XAB2: variants seen among roughly 807,000 people sequenced by gnomAD.
The protein encoded by XAB2 is XPA binding protein 2.
Under a neutral mutation model 113.4 loss-of-function variants are expected in XAB2, and 57 were observed. The observed-to-expected ratio is 0.50, with a 90% CI of 0.41 to 0.63. The LOEUF is 0.63. Ranked by LOEUF, XAB2 falls within the 20% of genes least tolerant of loss-of-function variation. The pLI is 0.00. For missense variants in XAB2, 1,037 were observed against 1,233.3 expected (o/e 0.84, Z 2.38); for synonymous variants, 497 against 498.8 (o/e 1.00, Z 0.05).
At position 7,622,325 on chromosome 19, in the gene XAB2, C is replaced by T; in HGVS notation, c.1617+6G>A. ...AGGGGCCTCTGGGTCCACCCTAGCC[C>T]CTCACCTTGAAGCTCTCCTCGAAGT... On this transcript the variant is annotated splice_donor_region_variant and intron_variant, in intron 12 of 18. Coordinates refer to ENST00000358368, the MANE Select transcript of XAB2 (RefSeq NM_020196.3). The T allele has an allele frequency of 1.2e-6, 2 of 1,614,020 alleles. No homozygotes were observed. The highest frequency in any genetic ancestry group is 1.7e-6 in the Non-Finnish European group (2 of 1,179,972).
chr19:7,628,405 T>A lies in XAB2; in HGVS notation c.52-107A>T, dbSNP rs1412506272. On this transcript the variant is annotated intron_variant, in intron 1 of 18. Coordinates refer to ENST00000358368, the MANE Select transcript of XAB2 (RefSeq NM_020196.3). The surrounding 1 kb of genome is among the most constrained non-coding windows in gnomAD (Gnocchi z 4.6). Reference sequence around the variant, plus strand: ...TCCAAACTCCGGACTTTTACCTAGATCCCACCACCCACCAAGGAAGTCAGG... The same window carrying A: ...TCCAAACTCCGGACTTTTACCTAGAACCCACCACCCACCAAGGAAGTCAGG... 2.9e-6 allele frequency: 4 copies of A among 1,396,704 alleles called. No individual in the cohort carries two copies. The highest frequency in any genetic ancestry group is 2.9e-6 in the Non-Finnish European group (3 of 1,021,284). The allele number at this position is 1,396,704 out of a possible 1,614,324, so 86.5% of individuals were successfully genotyped here.
rs2031114432 is a variant in XAB2 at position 7,625,269 on chromosome 19, T to G, written c.822+611A>C. 6.6e-6 allele frequency among the ~76,000 whole-genome samples: 1 copy of G among 152,126 alleles called. No individual in the cohort carries two copies. Among genetic ancestry groups the G allele is most frequent in the South Asian group, 2.1e-4 (1 of 4,826 alleles). On this transcript the variant is annotated intron_variant, in intron 6 of 18. Coordinates refer to ENST00000358368, the MANE Select transcript of XAB2 (RefSeq NM_020196.3). This position sits in a 1 kb window ranked among gnomAD's most constrained non-coding sequence, Gnocchi z 5.2. ...GCTGTGCCTGCGTCACTGAGCTGATTGGTGACAGGCAGTAACTGTCACCCT... is the reference window on the plus strand; with the variant it reads ...GCTGTGCCTGCGTCACTGAGCTGATGGGTGACAGGCAGTAACTGTCACCCT...
chr19:7,620,705 C>G (rs370208390), intron 14 of XAB2, 36 bp from the exon 15 acceptor site: 4 of 1,607,096 alleles, frequency 2.5e-6, no homozygotes, highest in Middle Eastern at 1.7e-4. Context: ...GGAGTGAGGC[C>G]GGGGTAGCTC....
At position 7,627,341 on chromosome 19, in the gene XAB2, T is replaced by C. The variant is rs755625027; in HGVS notation, c.424A>G (p.Ile142Val). ...GGCCAAATTCGAGAGTGCTGCGTGA[T>C]GGGCAGTGCCCGGAGGGCACGGTCG... is the stretch of plus-strand genomic sequence containing the variant. ...TFDRALRALP[I>V]TQHSRIWPLY... The change falls in exon 4 of 19, where the codon ATC (isoleucine) becomes GTC (valine). Residue 142 changes from isoleucine (I) to valine (V), a missense_variant. By Grantham distance (29) the Ile-to-Val change is conservative. Coordinates refer to ENST00000358368, the MANE Select transcript of XAB2 (RefSeq NM_020196.3). This position sits in a 1 kb window ranked among gnomAD's most constrained non-coding sequence, Gnocchi z 4.5. The C allele has an allele frequency of 1.1e-5, 17 of 1,613,576 alleles. No homozygotes were observed. In the South Asian group the frequency reaches 1.6e-4, roughly 16 times the overall value.
intron 12 of XAB2, 86 bp from the exon 13 acceptor site, chr19:7,621,383 G>A: frequency 1.3e-6 from 2 of 1,512,760 alleles, no homozygotes; most frequent in Admixed American, 1.8e-5. Context: ...CGTCTGTAGG[G>A]AGCCTGCCAG....
intron 13 of XAB2, 40 bp downstream of exon 13, chr19:7,621,095 G>GGGCCCCCCCCC: frequency 1.7e-5 from 26 of 1,485,828 alleles, no homozygotes; most frequent in Non-Finnish European, 1.9e-5. Context: ...CAGAAACCCA[G>GGGCCCCCCCCC]CCCGCCCGCC....
rs1478459370 is a variant in XAB2 at position 7,623,955 on chromosome 19, C to A, written c.968-73G>T. ...GTCCCCGGATGCCACCGCCTCCACT[C>A]CCCACCCTCACTCCGCTCCAGCCCC... On this transcript the variant is annotated intron_variant, in intron 7 of 18. Transcript: ENST00000358368. This position sits in a 1 kb window ranked among gnomAD's most constrained non-coding sequence, Gnocchi z 4.6. 5.2e-5 allele frequency: 76 copies of A among 1,459,044 alleles called. 1 individual carries two copies. The East Asian group carries it at 9.7e-4, about 19-fold the overall frequency. 90.4% of individuals were successfully genotyped at this position (1,459,044 alleles called of 1,614,324 possible).
At position 7,624,251 on chromosome 19, in the gene XAB2, T is replaced by G; in HGVS notation, c.967+50A>C. Reference sequence around the variant, plus strand: ...CTGAGATGTGTCCCGCCCCTACCGCTAATGTCCACTCAGCTCTCTCCCCAC... The same window carrying G: ...CTGAGATGTGTCCCGCCCCTACCGCGAATGTCCACTCAGCTCTCTCCCCAC... On this transcript the variant is annotated intron_variant, in intron 7 of 18. Transcript: ENST00000358368. The surrounding 1 kb of genome is among the most constrained non-coding windows in gnomAD (Gnocchi z 4.2). 1 of 1,606,202 alleles carries G rather than the reference T, an allele frequency of 6.2e-7. No individual in the cohort carries two copies. The highest frequency in any genetic ancestry group is 8.5e-7 in the Non-Finnish European group (1 of 1,179,748).
rs1249267932 is a variant in XAB2, at chr19:7,623,514, G to A, written c.1119+217C>T. ...GTGACCCTCCAAGGGGCGGGGCCAC[G>A]AGGGAGCTGTGGCCCTCCAAGGGGT... On this transcript the variant is annotated intron_variant, in intron 8 of 18. Coordinates refer to ENST00000358368, the MANE Select transcript of XAB2 (RefSeq NM_020196.3). This position sits in a 1 kb window ranked among gnomAD's most constrained non-coding sequence, Gnocchi z 4.6. 2.0e-5 allele frequency among the ~76,000 whole-genome samples: 3 copies of A among 151,680 alleles called. No individual in the cohort carries two copies. Among genetic ancestry groups the A allele is most frequent in the East Asian group, 1.9e-4 (1 of 5,170 alleles).
rs2031011576 is a variant in XAB2 at position 7,620,641 on chromosome 19, A to G, written c.2000T>C (p.Met667Thr). The G allele has an allele frequency of 4.3e-6, 7 of 1,612,984 alleles. No individual in the cohort carries two copies. The highest frequency in any genetic ancestry group is 5.1e-6 in the Non-Finnish European group (6 of 1,179,928). ...CTCCATGTCTGCAAACCGCAGGCAC[A>G]TCTCACGCGCGTGCTCGTCCGACAG... is the stretch of plus-strand genomic sequence containing the variant. ...EVLSDEHAREMCLRFADMECK... is the reference protein window; with the variant it reads ...EVLSDEHARETCLRFADMECK... The change falls in exon 15 of 19, where the codon ATG becomes ACG. Residue 667 changes from methionine (M) to threonine (T), a missense_variant. Met to Thr is a moderately conservative substitution (Grantham distance 81). Coordinates refer to ENST00000358368, the MANE Select transcript of XAB2 (RefSeq NM_020196.3).
chr19:7,621,968 G>A (rs4134856), intron 12 of XAB2: 1 of 228,708 alleles, frequency 4.4e-6, no homozygotes, highest in Non-Finnish European at 8.7e-6. Flanking sequence ...AGATTCGTTT[G>A]AAGATGAGAT....
rs745590422 is a variant in XAB2, at chr19:7,622,657, G to C, written c.1376C>G (p.Ala459Gly). Residue 459 changes from alanine (A) to glycine (G), a missense_variant, in exon 11 of 19, where the codon GCC (alanine) becomes GGC (glycine). By Grantham distance (60) the Ala-to-Gly change is moderately conservative. Coordinates refer to ENST00000358368, the MANE Select transcript of XAB2 (RefSeq NM_020196.3). ...YDEALRLLRKATALPARRAEY... is the reference protein window; with the variant it reads ...YDEALRLLRKGTALPARRAEY... ...GGCCCGGCGGGCAGGCAGCGCCGTGGCCTTCTGCAGGGGCAGACAGTGGCC... is the reference window on the plus strand; with the variant it reads ...GGCCCGGCGGGCAGGCAGCGCCGTGCCCTTCTGCAGGGGCAGACAGTGGCC... The C allele has an allele frequency of 1.2e-6, 2 of 1,611,594 alleles. No homozygotes were observed. Among genetic ancestry groups the C allele is most frequent in the Non-Finnish European group, 1.7e-6 (2 of 1,179,918 alleles).
chr19:7,622,640 G>A lies in XAB2; in HGVS notation c.1393C>T (p.Arg465Cys), dbSNP rs753191949. The change falls in exon 11 of 19, where the codon CGC becomes TGC. Residue 465 changes from arginine (R) to cysteine (C), a missense_variant. Coordinates refer to ENST00000358368, the MANE Select transcript of XAB2 (RefSeq NM_020196.3). Reference protein sequence around the residue: ...LLRKATALPARRAEYFDGSEP... With the variant: ...LLRKATALPACRAEYFDGSEP... The stretch of plus-strand genomic sequence containing the variant: ...GAACCATCAAAGTACTCGGCCCGGC[G>A]GGCAGGCAGCGCCGTGGCCTTCTGC... The A allele has an allele frequency of 1.1e-5, 18 of 1,611,486 alleles. No individual in the cohort carries two copies. Among genetic ancestry groups the A allele is most frequent in the Middle Eastern group, 1.6e-4 (1 of 6,084 alleles).
rs113395489 is a variant in XAB2, at chr19:7,628,047, C to T, written c.200+103G>A. ...AGGGATGTACAGGTCAGTGATGAAA[C>T]ACGAAGCAATCACCCGGGACCCGGG... On this transcript the variant is annotated intron_variant, in intron 2 of 18. Transcript: ENST00000358368. This position sits in a 1 kb window ranked among gnomAD's most constrained non-coding sequence, Gnocchi z 4.6. 5.3e-6 allele frequency: 8 copies of T among 1,497,866 alleles called. No individual in the cohort carries two copies. In the East Asian group the frequency reaches 1.7e-4, roughly 32 times the overall value. 92.8% of individuals were successfully genotyped at this position (1,497,866 alleles called of 1,614,324 possible). A position where few individuals can be genotyped will look rare whatever the true frequency, so the allele number is the denominator to read the frequency against.
Position 7,619,771 on chromosome 19 carries a change from C to T in XAB2, c.2482G>A (p.Asp828Asn). 6.2e-7 allele frequency: 1 copy of T among 1,612,768 alleles called. No homozygotes were observed. The highest frequency in any genetic ancestry group is 8.5e-7 in the Non-Finnish European group (1 of 1,179,256). ...EIQLGEDEDE[D>N]EMDLEPNEVR... is the part of the protein sequence containing the mutation. The stretch of plus-strand genomic sequence containing the variant: ...CCGTTGGGCTCCAGGTCCATCTCGT[C>T]CTCGTCCTCGTCCTCGCCCAGCTGG... Residue 828 changes from aspartate (D) to asparagine (N), a missense_variant, in exon 18 of 19, where the codon GAC becomes AAC. Physicochemically the swap from Asp to Asn is conservative, Grantham distance 23 (BLOSUM62 1). Coordinates refer to ENST00000358368, the MANE Select transcript of XAB2 (RefSeq NM_020196.3).
chr19:7,628,423 A>C lies in XAB2; in HGVS notation c.52-125T>G. ...ACCTAGATCCCACCACCCACCAAGG[A>C]AGTCAGGTCACCAGATGCCCAGGCA... On this transcript the variant is annotated intron_variant, in intron 1 of 18. Coordinates refer to ENST00000358368, the MANE Select transcript of XAB2 (RefSeq NM_020196.3). The surrounding 1 kb of genome is among the most constrained non-coding windows in gnomAD (Gnocchi z 4.6). 8.3e-7 allele frequency: 1 copy of C among 1,206,362 alleles called. No homozygotes were observed. Among genetic ancestry groups the C allele is most frequent in the East Asian group, 2.5e-5 (1 of 39,694 alleles). 74.7% of individuals were successfully genotyped at this position (1,206,362 alleles called of 1,614,324 possible).
rs1013637289 is a variant in XAB2, at chr19:7,628,684, C to A, written c.52-386G>T. ...CCCACTTCTTCAAAACGTGCCTCTTCCCAGACACCAGGCCTTTGGCCCCTC... is the reference window on the plus strand; with the variant it reads ...CCCACTTCTTCAAAACGTGCCTCTTACCAGACACCAGGCCTTTGGCCCCTC... On this transcript the variant is annotated intron_variant, in intron 1 of 18. Transcript: ENST00000358368. The surrounding 1 kb of genome is among the most constrained non-coding windows in gnomAD (Gnocchi z 4.6). Among the ~76,000 whole-genome samples the A allele has an allele frequency of 1.3e-5, 2 of 152,130 alleles. No individual in the cohort carries two copies. The highest frequency in any genetic ancestry group is 4.8e-5 in the African/African-American group (2 of 41,418).
chr19:7,623,188 G>A lies in XAB2; in HGVS notation c.1221C>T (p.Asp407=). 1 of 1,613,774 alleles carries A rather than the reference G, an allele frequency of 6.2e-7. No individual in the cohort carries two copies. The highest frequency in any genetic ancestry group is 8.5e-7 in the Non-Finnish European group (1 of 1,180,020). The part of the protein sequence containing the change: ...LWVAFAKFYE[D]NGQLDDARVI... The stretch of plus-strand genomic sequence containing the variant: ...TGCTCACATCGTCCAGCTGTCCGTT[G>A]TCCTCATAAAACTTGGCAAACGCCA... The change falls in exon 9 of 19, where the codon GAC becomes GAT. Residue 407 remains aspartate (D), a synonymous_variant. Transcript: ENST00000358368. The surrounding 1 kb of genome is among the most constrained non-coding windows in gnomAD (Gnocchi z 4.6).
Position 7,624,583 on chromosome 19 carries a change from C to G in XAB2, c.823-138G>C, listed in dbSNP as rs2031101701. 5 of 1,323,818 alleles carry G rather than the reference C, an allele frequency of 3.8e-6. No homozygotes were observed. The East Asian group carries it at 1.2e-4, about 33-fold the overall frequency. 82.0% of individuals were successfully genotyped at this position (1,323,818 alleles called of 1,614,324 possible). On this transcript the variant is annotated intron_variant, in intron 6 of 18. Coordinates refer to ENST00000358368, the MANE Select transcript of XAB2 (RefSeq NM_020196.3). The surrounding 1 kb of genome is among the most constrained non-coding windows in gnomAD (Gnocchi z 4.2). ...GCATCCAGCACCTCTGGGTAGTGAC[C>G]CCAGGACAGAGCCTCCGTGGAGCCT...
Sources: gnomAD v4.1 joint callset for allele counts (sites outside exome capture counted in the v4.1 genomes callset) on GRCh38, gnomAD v4.1.1 for gene constraint, Gnocchi (gnomAD v3.1) non-coding constraint, MANE v1.5 for transcripts, NCBI Gene and HGNC (gene_info 2026-07-23, HGNC 2026-07-21) for gene names.